Variants in AUTS2 observed in about 807,000 individuals in gnomAD.
AUTS2 encodes activator of transcription and developmental regulator AUTS2.
A neutral mutation model predicts 112.4 loss-of-function variants in AUTS2; 17 were observed. That is an observed-to-expected ratio of 0.15 (90% CI 0.10 to 0.23). AUTS2 has a LOEUF of 0.23. AUTS2 is among the 10% of genes least tolerant of loss of function. The pLI is 1.00. For missense variants in AUTS2, 1,510 were observed against 1,701.6 expected (o/e 0.89, Z 1.98); for synonymous variants, 751 against 702.7 (o/e 1.07, Z -1.09).
At chr7:70,499,516 A>G (rs1164205221) in intron 5 of AUTS2, among the ~76,000 whole-genome samples, 2 of 152,214 alleles carry the variant, frequency 1.3e-5, no homozygotes, top group African/African-American at 4.8e-5. Context: ...AAGGGTCTCA[A>G]GTGCTCATAG....
chr7:70,536,572 C>CTTTTT lies in AUTS2; in HGVS notation c.690+100813_690+100817dup, dbSNP rs34639179. Among the ~76,000 whole-genome samples the CTTTTT allele has an allele frequency of 2.9e-4, 14 of 49,050 alleles. 2 individuals are homozygous for CTTTTT. Among genetic ancestry groups the CTTTTT allele is most frequent in the South Asian group, 7.6e-4 (1 of 1,322 alleles). The allele number at this position is 49,050 out of a possible 152,430, so 32.2% of individuals were successfully genotyped here. On this transcript the variant is annotated intron_variant, in intron 5 of 18. Transcript: ENST00000342771. ...TCTGCTGATATGCTAGAAGCCAAGG[C>CTTTTT]TTTTTTTTTTTTTTTTTTTTTTTTT...
chr7:70,303,107 G>A (rs1370115133), intron 4 of AUTS2, among the ~76,000 whole-genome samples: 2 of 152,040 alleles, frequency 1.3e-5, no homozygotes, highest in African/African-American at 2.4e-5. Flanking sequence ...CCTCTCACTT[G>A]AGATCAAGGA....
At chr7:69,649,311 T>C (rs1333488375) in intron 1 of AUTS2, among the ~76,000 whole-genome samples, 2 of 152,230 alleles carry the variant, frequency 1.3e-5, no homozygotes, top group Non-Finnish European at 2.9e-5. Context: ...GCAAACTGCA[T>C]TGGCTTTTGG....
intron 6 of AUTS2, among the ~76,000 whole-genome samples, chr7:70,722,766 A>G (rs761350350): frequency 1.3e-5 from 2 of 152,134 alleles, no homozygotes; most frequent in African/African-American, 2.4e-5. Flanking sequence ...ATGTTAGAAA[A>G]TCCTGTCCCT....
chr7:70,030,353 G>T (rs1173576081), intron 2 of AUTS2, among the ~76,000 whole-genome samples: 1 of 152,168 alleles, frequency 6.6e-6, no homozygotes, highest in Non-Finnish European at 1.5e-5. Context: ...CAGGTGTGAG[G>T]TTTCTTTGTT....
chr7:69,649,624 C>T (rs1197906920), intron 1 of AUTS2, among the ~76,000 whole-genome samples: 2 of 151,974 alleles, frequency 1.3e-5, no homozygotes, highest in Non-Finnish European at 2.9e-5. Flanking sequence ...CTACAGAACA[C>T]TCACTAGTTG....
intron 5 of AUTS2, among the ~76,000 whole-genome samples, chr7:70,615,894 G>A (rs1804340943): frequency 6.6e-6 from 1 of 152,000 alleles, no homozygotes; most frequent in Non-Finnish European, 1.5e-5. Context: ...ACAGGTGCTG[G>A]CCACCTTGCC....
At chr7:70,352,459 T>C (rs1791812777) in intron 4 of AUTS2, among the ~76,000 whole-genome samples, 1 of 152,146 alleles carries the variant, frequency 6.6e-6, no homozygotes, top group South Asian at 2.1e-4. Context: ...CCCATTTTAA[T>C]GAATGTTGAA....
chr7:70,348,598 A>T (rs937715110), intron 4 of AUTS2, among the ~76,000 whole-genome samples: 2 of 152,004 alleles, frequency 1.3e-5, no homozygotes, highest in Admixed American at 6.6e-5. Flanking sequence ...AGGTCAGGAG[A>T]TCGAGACCAT....
rs972139223 is a variant in AUTS2 at position 69,691,519 on chromosome 7, T to G, written c.309+91557T>G. Among the ~76,000 whole-genome samples, 4 of 152,138 alleles carry G rather than the reference T, an allele frequency of 2.6e-5. No individual in the cohort carries two copies. The East Asian group carries it at 7.7e-4, about 29-fold the overall frequency. On this transcript the variant is annotated intron_variant, in intron 1 of 18. Transcript: ENST00000342771. Reference sequence around the variant, plus strand: ...GGTGTGTCAACATCACCTGAGCTACTGTACACCTGACTGGGTCGCGGCAGT... The same window carrying G: ...GGTGTGTCAACATCACCTGAGCTACGGTACACCTGACTGGGTCGCGGCAGT...
intron 5 of AUTS2, among the ~76,000 whole-genome samples, chr7:70,566,834 G>C (rs142861626): frequency 1.1e-4 from 16 of 152,178 alleles, no homozygotes; most frequent in Admixed American, 8.5e-4. Context: ...CTGTCATCTT[G>C]GTATTGCATT....
At chr7:69,662,578 G>A (rs1795852107) in intron 1 of AUTS2, among the ~76,000 whole-genome samples, 1 of 152,188 alleles carries the variant, frequency 6.6e-6, no homozygotes, top group Non-Finnish European at 1.5e-5. Context: ...GGATTCCCTG[G>A]AAGCAGAGGT....
Position 69,710,711 on chromosome 7 carries a change from G to A in AUTS2, c.309+110749G>A, listed in dbSNP as rs55647760. On this transcript the variant is annotated intron_variant, in intron 1 of 18. Transcript: ENST00000342771. The stretch of plus-strand genomic sequence containing the variant: ...TCCCTTATCTTTAAGAAGATGGCTC[G>A]ACTCTGACTGTGAACATTTAATCTG... 5.9e-3 allele frequency among the ~76,000 whole-genome samples: 896 copies of A among 152,290 alleles called. 11 individuals carry two copies. The highest frequency in any genetic ancestry group is 6.6e-3 in the Non-Finnish European group (447 of 68,022).
intron 2 of AUTS2, among the ~76,000 whole-genome samples, chr7:70,059,376 A>T (rs956370730): frequency 2.6e-5 from 4 of 152,126 alleles, no homozygotes; most frequent in African/African-American, 9.7e-5. Flanking sequence ...CATTGCCTGG[A>T]TGTTCCACAG....
At chr7:69,651,869 T>G (rs1285363822) in intron 1 of AUTS2, among the ~76,000 whole-genome samples, 1 of 152,210 alleles carries the variant, frequency 6.6e-6, no homozygotes, top group African/African-American at 2.4e-5. Context: ...CCACACATAT[T>G]TGTTGCCAGG....
intron 1 of AUTS2, among the ~76,000 whole-genome samples, chr7:69,608,195 C>T (rs1310970303): frequency 6.6e-6 from 1 of 152,168 alleles, no homozygotes; most frequent in African/African-American, 2.4e-5. Context: ...CAGCCTCCCA[C>T]AATGCTGGGA....
chr7:70,151,099 G>T (rs1195210225), intron 4 of AUTS2, among the ~76,000 whole-genome samples: 1 of 152,134 alleles, frequency 6.6e-6, no homozygotes, highest in Non-Finnish European at 1.5e-5. Context: ...TTCTGCATTA[G>T]GAGAAGATAC....
At chr7:69,951,318 G>A (rs944479729) in intron 2 of AUTS2, among the ~76,000 whole-genome samples, 3 of 151,822 alleles carry the variant, frequency 2.0e-5, no homozygotes, top group African/African-American at 7.3e-5. Flanking sequence ...TTCAAGAGTA[G>A]CATTGTAAGT....
intron 4 of AUTS2, among the ~76,000 whole-genome samples, chr7:70,270,996 T>C (rs1398946325): frequency 1.3e-5 from 2 of 152,090 alleles, no homozygotes; most frequent in Non-Finnish European, 1.5e-5. Flanking sequence ...GAGATTAGAA[T>C]AACATCTTCA....
Sources: allele counts gnomAD v4.1 joint callset (sites outside exome capture counted in the v4.1 genomes callset), GRCh38; gene constraint gnomAD v4.1.1; transcripts MANE v1.5; gene names NCBI Gene and HGNC (gene_info 2026-07-23, HGNC 2026-07-21).